The following NFATC3 variants were observed in gnomAD, a reference collection of about 807,000 sequenced individuals.
The protein encoded by NFATC3 is nuclear factor of activated T-cells, cytoplasmic 3.
Under a neutral mutation model 98.6 loss-of-function variants are expected in NFATC3, and 46 were observed. The ratio of observed to expected loss-of-function variants is 0.47; its 90% CI spans 0.37 to 0.60. The LOEUF is 0.60. Ranked by LOEUF, NFATC3 falls within the 20% of genes least tolerant of loss-of-function variation. The probability of loss-of-function intolerance (pLI) is 0.00; values close to 1 mark genes in which losing one functional copy is unlikely to be tolerated. For missense variants in NFATC3, 1,256 were observed against 1,295.5 expected, an observed-to-expected ratio of 0.97 and a Z score of 0.47; for synonymous variants, 512 against 472.2, an observed-to-expected ratio of 1.08 and a Z score of -1.09.
At chr16:68,109,250 C>T (rs187815426) in intron 1 of NFATC3, among the ~76,000 whole-genome samples, 23 of 152,172 alleles carry the variant, frequency 1.5e-4, no homozygotes, top group Admixed American at 1.0e-3. Context: ...TTTGTTCCTC[C>T]GATACCTAGT....
chr16:68,122,028 G>A lies in NFATC3; in HGVS notation c.145G>A (p.Val49Ile), dbSNP rs374569973. 13 of 1,608,918 alleles carry A rather than the reference G, an allele frequency of 8.1e-6. No individual in the cohort carries two copies. In the East Asian group the frequency reaches 9.0e-5, roughly 11 times the overall value. Residue 49 changes from valine to isoleucine, a missense_variant, in exon 2 of 10, where the codon GTA becomes ATA. By Grantham distance (29) the Val-to-Ile change is conservative. Coordinates refer to ENST00000346183, the MANE Select transcript of NFATC3 (RefSeq NM_173165.3). ...DDCASIYIFN[V>I]DPPPSTLTTP... is the part of the protein sequence containing the mutation. ...TTGTGCATCCATTTACATCTTTAAT[G>A]TAGATCCACCTCCATCTACTTTAAC...
At chr16:68,112,229 C>T (rs2035982318) in intron 1 of NFATC3, among the ~76,000 whole-genome samples, 1 of 146,884 alleles carries the variant, frequency 6.8e-6, no homozygotes, top group Non-Finnish European at 1.5e-5. Flanking sequence ...TGGATGCGAT[C>T]TCCCCGTCTC....
intron 6 of NFATC3, among the ~76,000 whole-genome samples, chr16:68,179,110 T>C (rs1047649867): frequency 6.6e-6 from 1 of 152,178 alleles, no homozygotes. Context: ...CTTCTGTCTA[T>C]AATTACCCTT....
intron 5 of NFATC3, among the ~76,000 whole-genome samples, chr16:68,173,701 GT>G (rs921538713): frequency 6.6e-6 from 1 of 152,166 alleles, no homozygotes; most frequent in African/African-American, 2.4e-5. Flanking sequence ...CATGCTTTTT[GT>G]AATTAGATTT....
chr16:68,138,201 A>G (rs543702064), intron 3 of NFATC3, among the ~76,000 whole-genome samples: 1 of 151,514 alleles, frequency 6.6e-6, no homozygotes, highest in African/African-American at 2.4e-5. Context: ...ACACCCACCC[A>G]GTTAATTTTT....
chr16:68,112,523 G>A (rs1381127937), intron 1 of NFATC3, among the ~76,000 whole-genome samples: 1 of 151,482 alleles, frequency 6.6e-6, no homozygotes, highest in East Asian at 1.9e-4. Context: ...TGATCCACCC[G>A]CCTCGGCCTC....
intron 1 of NFATC3, among the ~76,000 whole-genome samples, chr16:68,097,029 G>A (rs1297863389): frequency 6.6e-6 from 1 of 152,108 alleles, no homozygotes; most frequent in East Asian, 1.9e-4. Context: ...TAAGGGTAGA[G>A]CAGTGAAGAC....
intron 9 of NFATC3, chr16:68,209,850 GACAC>G (rs755825565): frequency 1.8e-4 from 57 of 314,482 alleles, no homozygotes; most frequent in African/African-American, 3.3e-4. Context: ...CACACACACA[GACAC>G]ACACACACAC....
chr16:68,205,545 G>A (rs182002888), intron 9 of NFATC3, among the ~76,000 whole-genome samples: 16 of 152,110 alleles, frequency 1.1e-4, no homozygotes, highest in Admixed American at 4.6e-4. Flanking sequence ...ATCATTTTTT[G>A]AACAAGTAAT....
chr16:68,093,630 A>G (rs1389604791), intron 1 of NFATC3, among the ~76,000 whole-genome samples: 3 of 152,198 alleles, frequency 2.0e-5, no homozygotes, highest in African/African-American at 7.2e-5. Flanking sequence ...AGTGTTATTG[A>G]GTACCTATTA....
At chr16:68,218,123 A>G (rs777115175) in intron 9 of NFATC3, 59 of 765,014 alleles carry the variant, frequency 7.7e-5, no homozygotes, top group Non-Finnish European at 9.1e-5. Flanking sequence ...GCAGTGGTGC[A>G]CGATCATAGC....
At chr16:68,144,173 G>A (rs1381922516) in intron 3 of NFATC3, among the ~76,000 whole-genome samples, 1 of 152,118 alleles carries the variant, frequency 6.6e-6, no homozygotes, top group Non-Finnish European at 1.5e-5. Context: ...TAGAAAAGAT[G>A]CCAAAGACAT....
chr16:68,206,703 C>G (rs117457044), intron 9 of NFATC3, among the ~76,000 whole-genome samples: 1 of 152,108 alleles, frequency 6.6e-6, no homozygotes, highest in African/African-American at 2.4e-5. Context: ...TAATTTGGGC[C>G]TAGGCACAGT....
chr16:68,108,456 A>G (rs1316625079), intron 1 of NFATC3, among the ~76,000 whole-genome samples: 1 of 152,190 alleles, frequency 6.6e-6, no homozygotes, highest in African/African-American at 2.4e-5. Context: ...TTGTACCAGT[A>G]CCATGCTGTT....
At chr16:68,223,673 G>C (rs932738587) in intron 9 of NFATC3, among the ~76,000 whole-genome samples, 1 of 151,858 alleles carries the variant, frequency 6.6e-6, no homozygotes, top group African/African-American at 2.4e-5. Flanking sequence ...GAGGCAGGTG[G>C]ATCATGAGGT....
At chr16:68,190,660 G>A in intron 8 of NFATC3, 108 bp from the exon 9 acceptor site, 1 of 1,134,060 alleles carries the variant, frequency 8.8e-7, no homozygotes, top group Non-Finnish European at 1.2e-6. Context: ...CTTGGCATTT[G>A]AGTTTGCCCC....
At chr16:68,153,444 G>A (rs1439841847) in intron 3 of NFATC3, among the ~76,000 whole-genome samples, 2 of 152,016 alleles carry the variant, frequency 1.3e-5, no homozygotes, top group African/African-American at 4.8e-5. Context: ...AAGTTAGATA[G>A]CAAAGCATTG....
chr16:68,090,996 G>T (rs1437329882), intron 1 of NFATC3, among the ~76,000 whole-genome samples: 1 of 152,124 alleles, frequency 6.6e-6, no homozygotes, highest in African/African-American at 2.4e-5. Flanking sequence ...GAATTTTGTG[G>T]TTTAGATTAG....
intron 9 of NFATC3, among the ~76,000 whole-genome samples, chr16:68,222,200 G>A (rs1432712690): frequency 1.4e-5 from 2 of 145,356 alleles, no homozygotes; most frequent in Non-Finnish European, 3.0e-5. Context: ...CAGCTACTCA[G>A]GAGGCTTAGG....
Sources: allele counts gnomAD v4.1 joint callset (sites outside exome capture counted in the v4.1 genomes callset), GRCh38; gene constraint gnomAD v4.1.1; transcripts MANE v1.5; gene names NCBI Gene and HGNC (gene_info 2026-07-23, HGNC 2026-07-21).